Variants in RIMS1 observed in about 807,000 individuals in gnomAD.
RIMS1 encodes the protein regulating synaptic membrane exocytosis 1.
Under a neutral mutation model 214.1 loss-of-function variants are expected in RIMS1, and 83 were observed. That is an observed-to-expected ratio of 0.39 (90% CI 0.32 to 0.47). The LOEUF is 0.47. Among genes scored for constraint, RIMS1 ranks in the 20% least tolerant of loss-of-function variants. The pLI is 0.99. For synonymous variants in RIMS1, 793 were observed against 786.8 expected, an observed-to-expected ratio of 1.01 and a Z score of -0.13; for missense variants, 2,050 against 2,161.8, an observed-to-expected ratio of 0.95 and a Z score of 1.03.
chr6:72,401,864 A>G lies in RIMS1; in HGVS notation c.*1150A>G, dbSNP rs1233999322. ...TGCACTAAACTATTGTTTTTATTGA[A>G]TTTTAGTTTACATTTCTTTGAGATT... On this transcript the variant is annotated 3_prime_UTR_variant, in exon 34 of 34. Transcript: ENST00000521978. 1.3e-5 allele frequency: 2 copies of G among 152,656 alleles called. No homozygotes were observed. Among genetic ancestry groups the G allele is most frequent in the South Asian group, 2.1e-4 (1 of 4,838 alleles). The allele number at this position is 152,656 out of a possible 1,614,324, so 9.5% of individuals were successfully genotyped here.
At chr6:72,169,743 A>T (rs1008872984) in intron 4 of RIMS1, among the ~76,000 whole-genome samples, 6 of 151,994 alleles carry the variant, frequency 3.9e-5, no homozygotes, top group African/African-American at 1.5e-4. Context: ...GTCTCTACCA[A>T]AAAAACACAA....
At chr6:72,261,641 A>T in intron 19 of RIMS1, 1 of 985,306 alleles carries the variant, frequency 1.0e-6, no homozygotes, top group Non-Finnish European at 1.2e-6. Context: ...ATAAAAAGCA[A>T]GAGGAAAGAG....
chr6:72,075,934 C>G (rs1831730341), intron 2 of RIMS1, among the ~76,000 whole-genome samples: 1 of 152,010 alleles, frequency 6.6e-6, no homozygotes, highest in South Asian at 2.1e-4. Context: ...ATTCATCCAG[C>G]TAGGGGAAAA....
chr6:72,254,484 C>T (rs2074928094), intron 16 of RIMS1, among the ~76,000 whole-genome samples: 2 of 152,050 alleles, frequency 1.3e-5, no homozygotes, highest in Admixed American at 1.3e-4. Context: ...TTAGATTATA[C>T]CTGGTAGAAA....
intron 12 of RIMS1, among the ~76,000 whole-genome samples, chr6:72,248,864 T>C (rs2071592970): frequency 6.6e-6 from 1 of 152,158 alleles, no homozygotes; most frequent in East Asian, 1.9e-4. Flanking sequence ...CTCAAGGGCT[T>C]TTATGGTTTT....
chr6:71,961,963 AAAGT>A (rs1339572817), intron 1 of RIMS1, among the ~76,000 whole-genome samples: 5 of 152,158 alleles, frequency 3.3e-5, no homozygotes, highest in East Asian at 1.9e-4. Context: ...ATAAGTAAGT[AAAGT>A]AAGTATTACA....
rs189811206 is a variant in RIMS1 at position 72,081,813 on chromosome 6, A to T, written c.246-15136A>T. ...GTTTTATGATCTCTCTTTCGTGGAT[A>T]TAAAAGAACTTAAGTTATTTACAAC... On this transcript the variant is annotated intron_variant, in intron 2 of 33. Transcript: ENST00000521978. 2.8e-4 allele frequency among the ~76,000 whole-genome samples: 42 copies of T among 152,354 alleles called. No homozygotes were observed. In the East Asian group the frequency reaches 8.1e-3, roughly 29 times the overall value.
chr6:72,005,995 G>A (rs1384120334), intron 2 of RIMS1, among the ~76,000 whole-genome samples: 1 of 152,176 alleles, frequency 6.6e-6, no homozygotes, highest in Non-Finnish European at 1.5e-5. Flanking sequence ...TCACAGTTTT[G>A]GAGGTTGGAA....
intron 2 of RIMS1, among the ~76,000 whole-genome samples, chr6:72,006,837 T>A (rs767313874): frequency 6.6e-6 from 1 of 152,196 alleles, no homozygotes; most frequent in Non-Finnish European, 1.5e-5. Context: ...AAGCTCGAAC[T>A]TGGTGGAGCC....
chr6:71,941,172 C>T (rs1786010087), intron 1 of RIMS1, among the ~76,000 whole-genome samples: 2 of 151,678 alleles, frequency 1.3e-5, no homozygotes, highest in Non-Finnish European at 2.9e-5. Flanking sequence ...ATGTAATTGT[C>T]CATTTATCCT....
chr6:72,128,320 C>A (rs2039924416), intron 4 of RIMS1, among the ~76,000 whole-genome samples: 1 of 152,104 alleles, frequency 6.6e-6, no homozygotes, highest in Admixed American at 6.6e-5. Context: ...AGGAGGGAGT[C>A]CTTTCACTTA....
intron 6 of RIMS1, among the ~76,000 whole-genome samples, chr6:72,221,843 A>G (rs1174881625): frequency 1.3e-5 from 2 of 151,982 alleles, no homozygotes; most frequent in Non-Finnish European, 1.5e-5. Flanking sequence ...CTCCAGCTCA[A>G]TCCTGCTGTG....
intron 1 of RIMS1, among the ~76,000 whole-genome samples, chr6:71,957,196 A>G (rs556495940): frequency 6.6e-6 from 1 of 152,248 alleles, no homozygotes; most frequent in South Asian, 2.1e-4. Flanking sequence ...CTAGTGAGAG[A>G]TAGTTGATGG....
intron 4 of RIMS1, among the ~76,000 whole-genome samples, chr6:72,119,158 G>A: frequency 6.6e-6 from 1 of 151,698 alleles, no homozygotes; most frequent in East Asian, 1.9e-4. Context: ...ACACAAATCA[G>A]TGACACTGCT....
intron 2 of RIMS1, among the ~76,000 whole-genome samples, chr6:72,005,868 G>A (rs1807358153): frequency 6.6e-6 from 1 of 152,218 alleles, no homozygotes; most frequent in Non-Finnish European, 1.5e-5. Flanking sequence ...CGAAACTGGA[G>A]TTCTATCAAT....
chr6:72,339,402 T>C (rs142974996), intron 29 of RIMS1, among the ~76,000 whole-genome samples: 2,024 of 152,128 alleles, frequency 0.013, 48 homozygotes, highest in African/African-American at 0.047. Context: ...CATTTAGCAT[T>C]AGGTATATCT....
At chr6:71,932,587 G>C (rs1028386) in intron 1 of RIMS1, among the ~76,000 whole-genome samples, 134,102 of 152,136 alleles carry the variant, frequency 0.88, 59,352 homozygotes, top group East Asian at 0.99. Flanking sequence ...CACAAGTTTA[G>C]CTGTGTAACA....
chr6:72,126,167 T>C (rs2039468940), intron 4 of RIMS1, among the ~76,000 whole-genome samples: 1 of 4,418 alleles, frequency 2.3e-4, no homozygotes, highest in Admixed American at 4.7e-3. Flanking sequence ...GAACAAAAAT[T>C]GGAGAAAGGC....
At position 72,181,003 on chromosome 6, in the gene RIMS1, A is replaced by T. The variant is rs554969664; in HGVS notation, c.812+1088A>T. On this transcript the variant is annotated intron_variant, in intron 5 of 33. Transcript: ENST00000521978. ...AGTGAATGTAGCTATTATTCAAGCCAGTAGTCATTGTGTATTTACTACAGA... is the reference window on the plus strand; with the variant it reads ...AGTGAATGTAGCTATTATTCAAGCCTGTAGTCATTGTGTATTTACTACAGA... Among the ~76,000 whole-genome samples, 4 of 152,358 alleles carry T rather than the reference A, an allele frequency of 2.6e-5. No individual in the cohort carries two copies. The East Asian group carries it at 7.7e-4, about 29-fold the overall frequency.
Sources: gnomAD v4.1 joint callset for allele counts (sites outside exome capture counted in the v4.1 genomes callset) on GRCh38, gnomAD v4.1.1 for gene constraint, MANE v1.5 for transcripts, NCBI Gene and HGNC (gene_info 2026-07-23, HGNC 2026-07-21) for gene names.